Variants in MBD2 observed in about 807,000 individuals in gnomAD.
MBD2 encodes methyl-CpG binding domain protein 2.
MBD2 carries 9 observed loss-of-function variants against 39.3 expected under a neutral mutation model. The observed-to-expected ratio is 0.23, with a 90% CI of 0.14 to 0.40. MBD2 has a LOEUF of 0.40. Ranked by LOEUF, MBD2 falls within the 10% of genes least tolerant of loss-of-function variation. The probability of loss-of-function intolerance (pLI) is 1.00; values close to 1 mark genes in which losing one functional copy is unlikely to be tolerated. For missense variants in MBD2, 458 were observed against 532.6 expected, an observed-to-expected ratio of 0.86 and a Z score of 1.38; for synonymous variants, 233 against 211.1, an observed-to-expected ratio of 1.10 and a Z score of -0.90.
chr18:54,221,389 C>A (rs2086610639), intron 1 of MBD2, among the ~76,000 whole-genome samples: 1 of 150,058 alleles, frequency 6.7e-6, no homozygotes. Context: ...ACCCAGGAGG[C>A]AGGGCTTGTA....
chr18:54,201,506 G>T (rs978588280), intron 2 of MBD2, among the ~76,000 whole-genome samples: 1 of 152,166 alleles, frequency 6.6e-6, no homozygotes, highest in East Asian at 1.9e-4. Context: ...TAAAAATGAT[G>T]CCCACTTCAC....
intron 5 of MBD2, 75 bp from the exon 6 acceptor site, chr18:54,159,978 T>A: frequency 6.1e-6 from 9 of 1,483,146 alleles, no homozygotes; most frequent in Non-Finnish European, 8.3e-6. Context: ...CAGAAGTTCA[T>A]CCTTACTTCA....
chr18:54,176,861 G>C (rs2086215582), intron 3 of MBD2, among the ~76,000 whole-genome samples: 2 of 152,218 alleles, frequency 1.3e-5, no homozygotes, highest in Admixed American at 1.3e-4. Context: ...AAACTACAAT[G>C]TGATCTCTCG....
In MBD2 at chr18:54,189,954, C is replaced by G. The variant is rs1421989300; in HGVS notation, c.703-943G>C. ...GTGAGCCTCCACACCTGGCCAAGAACTTTAAGGATACCAATCAGGATAGCA... is the reference window on the plus strand; with the variant it reads ...GTGAGCCTCCACACCTGGCCAAGAAGTTTAAGGATACCAATCAGGATAGCA... On this transcript the variant is annotated intron_variant, in intron 2 of 6. Transcript: ENST00000256429. Among the ~76,000 whole-genome samples the G allele has an allele frequency of 2.6e-5, 4 of 152,182 alleles. No individual in the cohort carries two copies. In the East Asian group the frequency reaches 7.7e-4, roughly 29 times the overall value.
rs1015530739 is a variant in MBD2, at chr18:54,184,895, C to G, written c.840+3979G>C. Among the ~76,000 whole-genome samples the G allele has an allele frequency of 3.9e-5, 6 of 152,310 alleles. No individual in the cohort carries two copies. In the East Asian group the frequency reaches 9.7e-4, roughly 25 times the overall value. On this transcript the variant is annotated intron_variant, in intron 3 of 6. Transcript: ENST00000256429. ...ACATCCTCTATTTTCCCTGCCCAGA[C>G]AGTCAATTTTTCTGTCCAGAGCAAA...
intron 1 of MBD2, among the ~76,000 whole-genome samples, chr18:54,217,537 G>A (rs2086571454): frequency 6.6e-6 from 1 of 152,114 alleles, no homozygotes; most frequent in South Asian, 2.1e-4. Flanking sequence ...AGAGTTTATG[G>A]TTTATTTCTA....
At chr18:54,219,213 A>C (rs529803628) in intron 1 of MBD2, among the ~76,000 whole-genome samples, 1 of 152,332 alleles carries the variant, frequency 6.6e-6, no homozygotes, top group African/African-American at 2.4e-5. Flanking sequence ...TTCCAGAAAA[A>C]GGCTTTCCAC....
intron 1 of MBD2, among the ~76,000 whole-genome samples, chr18:54,206,955 T>C (rs1015999419): frequency 1.3e-5 from 2 of 152,210 alleles, no homozygotes; most frequent in African/African-American, 4.8e-5. Context: ...ATCTTCTATA[T>C]TCCGCACCTG....
At chr18:54,211,187 A>G (rs1461585178) in intron 1 of MBD2, among the ~76,000 whole-genome samples, 1 of 151,922 alleles carries the variant, frequency 6.6e-6, no homozygotes, top group Non-Finnish European at 1.5e-5. Context: ...CTATTTTTTA[A>G]AATCTCTTTA....
chr18:54,200,293 A>G (rs1330630357), intron 2 of MBD2, among the ~76,000 whole-genome samples: 4 of 152,258 alleles, frequency 2.6e-5, no homozygotes, highest in African/African-American at 9.6e-5. Flanking sequence ...AATTTGTAGA[A>G]TATGTCATAT....
chr18:54,201,658 C>T (rs1031466715), intron 2 of MBD2, among the ~76,000 whole-genome samples: 26 of 152,052 alleles, frequency 1.7e-4, no homozygotes, highest in African/African-American at 5.3e-4. Flanking sequence ...GTCAGGAGAT[C>T]GAGACCATCC....
chr18:54,189,077 A>G, intron 2 of MBD2, 66 bp from the exon 3 acceptor site: 1 of 1,053,784 alleles, frequency 9.5e-7, no homozygotes, highest in Non-Finnish European at 1.4e-6. Flanking sequence ...ACTTCCTACT[A>G]ATTCAATATC....
At chr18:54,160,398 G>C (rs78673895) in intron 5 of MBD2, among the ~76,000 whole-genome samples, 61,178 of 151,414 alleles carry the variant, frequency 0.4, 12,597 homozygotes, top group East Asian at 0.56. Context: ...CCTGGATTCT[G>C]AGGTCTGCAG....
chr18:54,201,596 C>T (rs2086408082), intron 2 of MBD2, among the ~76,000 whole-genome samples: 1 of 152,304 alleles, frequency 6.6e-6, no homozygotes, highest in South Asian at 2.1e-4. Flanking sequence ...GGCACGGTGG[C>T]TCACACCTGT....
At chr18:54,215,904 C>T (rs1280500102) in intron 1 of MBD2, among the ~76,000 whole-genome samples, 3 of 151,760 alleles carry the variant, frequency 2.0e-5, no homozygotes, top group Non-Finnish European at 2.9e-5. Context: ...CAGGTTCAAG[C>T]GATTCTCCTG....
intron 2 of MBD2, among the ~76,000 whole-genome samples, chr18:54,194,417 ACTTT>A (rs1327373550): frequency 6.6e-6 from 1 of 151,892 alleles, no homozygotes; most frequent in Non-Finnish European, 1.5e-5. Flanking sequence ...AAATTATTTC[ACTTT>A]CTGTGACCAT....
intron 2 of MBD2, among the ~76,000 whole-genome samples, chr18:54,196,180 G>A (rs1568087442): frequency 6.6e-6 from 1 of 152,062 alleles, no homozygotes; most frequent in African/African-American, 2.4e-5. Flanking sequence ...AAATTATCTG[G>A]TACCCATGAT....
At chr18:54,206,596 C>T (rs1188541086) in intron 1 of MBD2, among the ~76,000 whole-genome samples, 1 of 152,226 alleles carries the variant, frequency 6.6e-6, no homozygotes, top group Non-Finnish European at 1.5e-5. Context: ...CACAGCAATA[C>T]ACCCCGGACT....
rs375787006 is a variant in MBD2, at chr18:54,212,569, T to G, written c.543-7412A>C. On this transcript the variant is annotated intron_variant, in intron 1 of 6. Coordinates refer to ENST00000256429, the MANE Select transcript of MBD2 (RefSeq NM_003927.5). ...TGGGGATGAAATAAGATTGACTATG[T>G]GTTGACAAATTGTTTAAGCTGGGTA... Among the ~76,000 whole-genome samples the G allele has an allele frequency of 7.9e-5, 12 of 152,266 alleles. No homozygotes were observed. In the East Asian group the frequency reaches 9.7e-4, roughly 12 times the overall value.
Sources: allele counts gnomAD v4.1 joint callset (sites outside exome capture counted in the v4.1 genomes callset), GRCh38; gene constraint gnomAD v4.1.1; transcripts MANE v1.5; gene names NCBI Gene and HGNC (gene_info 2026-07-23, HGNC 2026-07-21).